Variants in HECTD4 observed in about 807,000 individuals in gnomAD.
HECTD4 encodes the protein HECT domain E3 ubiquitin protein ligase 4, also known as probable E3 ubiquitin-protein ligase HECTD4.
In HECTD4, 114 loss-of-function variants were observed where a neutral mutation model predicts 471.5. The ratio of observed to expected loss-of-function variants is 0.24; its 90% CI spans 0.21 to 0.28. The LOEUF (loss-of-function observed/expected upper bound fraction) is 0.28, where lower values mean the gene tolerates loss of function less well. HECTD4 is among the 10% of genes least tolerant of loss of function. The pLI is 1.00. For synonymous variants in HECTD4, 2,012 were observed against 2,256.0 expected (o/e 0.89, Z 3.07); for missense variants, 3,866 against 5,651.5 (o/e 0.68, Z 10.13).
intron 7 of HECTD4, among the ~76,000 whole-genome samples, chr12:112,285,575 C>A (rs531636461): frequency 6.6e-6 from 1 of 152,286 alleles, no homozygotes; most frequent in East Asian, 1.9e-4. Context: ...TGCCAACTCC[C>A]TGAGAACAGG....
chr12:112,259,169 C>G lies in HECTD4; in HGVS notation c.2970G>C (p.Leu990=), dbSNP rs147316365. ...GAGGCATCAGGGCATCCGCCATGATCAGAGTCTGTAAATTTGGATGCATCA... is the reference window on the plus strand; with the variant it reads ...GAGGCATCAGGGCATCCGCCATGATGAGAGTCTGTAAATTTGGATGCATCA... ...TSLMHPNLQT[L]IMADALMPQL... Residue 990 remains leucine, a synonymous_variant, in exon 19 of 76, where the codon CTG becomes CTC. Transcript: ENST00000682272. 143 of 1,613,884 alleles carry G rather than the reference C, an allele frequency of 8.9e-5. No homozygotes were observed. The African/African-American group carries it at 1.8e-3, about 20-fold the overall frequency.
intron 1 of HECTD4, among the ~76,000 whole-genome samples, chr12:112,320,826 C>T (rs1039563930): frequency 5.3e-5 from 8 of 152,158 alleles, no homozygotes; most frequent in Non-Finnish European, 7.4e-5. Context: ...GGATTATTCA[C>T]GGTTCTTTGG....
Position 112,319,380 on chromosome 12 carries a change from C to G in HECTD4, c.540G>C (p.Gln180His), listed in dbSNP as rs1315948637. The stretch of plus-strand genomic sequence containing the variant: ...CAGGCTCCTTGGTCAAGCTCAAAGG[C>G]TGGCAGTCACGAAGGCAGTTCAATA... ...EVLLNCLRDC[Q>H]PLSLTKEPAD... The change falls in exon 2 of 76, where the codon CAG becomes CAC. Residue 180 changes from glutamine (Q) to histidine (H), a missense_variant. Gln to His is a conservative substitution (Grantham distance 24). Transcript: ENST00000682272. The surrounding 1 kb of genome is among the most constrained non-coding windows in gnomAD (Gnocchi z 5.3). 1 of 1,536,016 alleles carries G rather than the reference C, an allele frequency of 6.5e-7. No homozygotes were observed. The highest frequency in any genetic ancestry group is 1.4e-5 in the African/African-American group (1 of 73,042).
intron 7 of HECTD4, 66 bp from the exon 8 acceptor site, chr12:112,283,368 G>T: frequency 7.9e-7 from 1 of 1,258,546 alleles, no homozygotes; most frequent in Non-Finnish European, 1.1e-6. Context: ...AATTTCTACT[G>T]AGGATATTAT....
intron 41 of HECTD4, 111 bp downstream of exon 41, chr12:112,229,587 G>T (rs913618011): frequency 8.9e-6 from 10 of 1,124,748 alleles, no homozygotes; most frequent in African/African-American, 4.7e-5. Context: ...GAAGAAACAG[G>T]TTTTTTTGTA....
chr12:112,289,083 T>C (rs536757624), intron 7 of HECTD4, among the ~76,000 whole-genome samples: 2 of 152,322 alleles, frequency 1.3e-5, no homozygotes, highest in South Asian at 4.1e-4. Flanking sequence ...TTCCTAAATA[T>C]ATCTCTTCTC....
At chr12:112,261,477 T>TAC in intron 17 of HECTD4, 48 bp from the exon 18 acceptor site, 1 of 1,518,270 alleles carries the variant, frequency 6.6e-7, no homozygotes, top group Non-Finnish European at 9.0e-7. Flanking sequence ...GTGATGAACA[T>TAC]ACGTTCACAA....
At chr12:112,198,070 A>G (rs1220176161) in intron 55 of HECTD4, among the ~76,000 whole-genome samples, 2 of 152,180 alleles carry the variant, frequency 1.3e-5, no homozygotes, top group South Asian at 2.1e-4. Context: ...CCTGGCCTCA[A>G]GTGAACCGCC....
chr12:112,243,520 C>T lies in HECTD4; in HGVS notation c.4792-1G>A. The T allele has an allele frequency of 6.2e-7, 1 of 1,603,958 alleles. No individual in the cohort carries two copies. Among genetic ancestry groups the T allele is most frequent in the Non-Finnish European group, 8.5e-7 (1 of 1,175,136 alleles). ...CCAAAAGGAAACTGCTGCTGGACAC[C>T]TGAAACACACAAGGAGGGACACCTG... is the stretch of plus-strand genomic sequence containing the variant. On this transcript the variant is annotated splice_acceptor_variant, in intron 31 of 75. Coordinates refer to ENST00000682272, the MANE Select transcript of HECTD4 (RefSeq NM_001388303.1). LOFTEE classifies it high-confidence loss of function. The surrounding 1 kb of genome is among the most constrained non-coding windows in gnomAD (Gnocchi z 6.6).
chr12:112,264,852 C>A (rs937921126), intron 16 of HECTD4, among the ~76,000 whole-genome samples: 1 of 152,202 alleles, frequency 6.6e-6, no homozygotes, highest in African/African-American at 2.4e-5. Flanking sequence ...GCAAACTCCA[C>A]CTCCTGGGTT....
intron 37 of HECTD4, among the ~76,000 whole-genome samples, chr12:112,233,291 AG>A (rs1714368883): frequency 7.0e-6 from 1 of 141,940 alleles, no homozygotes; most frequent in Admixed American, 7.8e-5. Context: ...GCGTGATCAC[AG>A]CTCACTGCAG....
intron 1 of HECTD4, among the ~76,000 whole-genome samples, chr12:112,337,734 G>A (rs202226058): frequency 1.3e-5 from 2 of 152,126 alleles, no homozygotes; most frequent in East Asian, 1.9e-4. Context: ...CAGTATTAAC[G>A]GTTTTACTTT....
At chr12:112,303,335 T>G (rs1337147447) in intron 7 of HECTD4, among the ~76,000 whole-genome samples, 1 of 152,174 alleles carries the variant, frequency 6.6e-6, no homozygotes, top group Non-Finnish European at 1.5e-5. Flanking sequence ...GGGTGAGTCA[T>G]CTCTCTTCCT....
intron 52 of HECTD4, among the ~76,000 whole-genome samples, chr12:112,204,978 C>T (rs930712950): frequency 1.3e-5 from 2 of 151,410 alleles, no homozygotes; most frequent in African/African-American, 2.4e-5. Flanking sequence ...ACTAAAAATA[C>T]AAAAATTAGC....
chr12:112,235,905 G>A lies in HECTD4; in HGVS notation c.5445-121C>T, dbSNP rs2033492356. On this transcript the variant is annotated intron_variant, in intron 35 of 75. Transcript: ENST00000682272. The surrounding 1 kb of genome is among the most constrained non-coding windows in gnomAD (Gnocchi z 5.0). ...TCTGATTTCACGAGGAATCATGAAT[G>A]TGGCACTATGCTTCTGTGAAGAATT... 2 of 831,930 alleles carry A rather than the reference G, an allele frequency of 2.4e-6. No individual in the cohort carries two copies. Among genetic ancestry groups the A allele is most frequent in the Non-Finnish European group, 3.7e-6 (2 of 543,464 alleles). The allele number at this position is 831,930 out of a possible 1,614,324, so 51.5% of individuals were successfully genotyped here.
In HECTD4 at chr12:112,170,916, C is replaced by A. The variant is rs370706700; in HGVS notation, c.11932+201G>T. 19 of 534,410 alleles carry A rather than the reference C, an allele frequency of 3.6e-5. No individual in the cohort carries two copies. In the East Asian group the frequency reaches 4.9e-4, roughly 14 times the overall value. The allele number at this position is 534,410 out of a possible 1,614,324, so 33.1% of individuals were successfully genotyped here. ...TTAAAAATAATTTTATTTTTCAGAG[C>A]ATGTTACTTTTATAATTAAAGTAAC... On this transcript the variant is annotated intron_variant, in intron 68 of 75. Transcript: ENST00000682272.
intron 1 of HECTD4, among the ~76,000 whole-genome samples, chr12:112,337,596 A>T (rs1002310172): frequency 6.6e-6 from 1 of 152,248 alleles, no homozygotes; most frequent in Non-Finnish European, 1.5e-5. Flanking sequence ...AGAAGAAAGA[A>T]TATGTGCAGA....
At chr12:112,269,219 C>T (rs2034360783) in intron 13 of HECTD4, among the ~76,000 whole-genome samples, 1 of 152,138 alleles carries the variant, frequency 6.6e-6, no homozygotes, top group Admixed American at 6.5e-5. Flanking sequence ...TTGTTGAGCA[C>T]TTACTTTGCA....
At chr12:112,233,664 A>C (rs1398598158) in intron 37 of HECTD4, among the ~76,000 whole-genome samples, 5 of 152,222 alleles carry the variant, frequency 3.3e-5, no homozygotes. Flanking sequence ...AATCCAGATG[A>C]AAATAATGCA....
Sources: allele counts gnomAD v4.1 joint callset (sites outside exome capture counted in the v4.1 genomes callset), GRCh38; gene constraint gnomAD v4.1.1; non-coding constraint Gnocchi (gnomAD v3.1); transcripts MANE v1.5; gene names NCBI Gene and HGNC (gene_info 2026-07-23, HGNC 2026-07-21).